CDKN3: variants seen among roughly 807,000 people sequenced by gnomAD.
CDKN3 encodes the protein cyclin-dependent kinase inhibitor 3.
A neutral mutation model predicts 36.1 loss-of-function variants in CDKN3; 19 were observed. The ratio of observed to expected loss-of-function variants is 0.53; its 90% CI spans 0.37 to 0.77. The LOEUF (loss-of-function observed/expected upper bound fraction) is 0.77, where lower values mean the gene tolerates loss of function less well. CDKN3 is among the 30% of genes least tolerant of loss of function. CDKN3 has a pLI of 0.00. For synonymous variants in CDKN3, 71 were observed against 85.3 expected (o/e 0.83, Z 0.92); for missense variants, 188 against 248.6 (o/e 0.76, Z 1.64).
At chr14:54,401,786 T>A (rs942053085) in intron 3 of CDKN3, among the ~76,000 whole-genome samples, 2 of 152,180 alleles carry the variant, frequency 1.3e-5, no homozygotes, top group Admixed American at 1.3e-4. Context: ...CCCTTCCACC[T>A]GTTCCCCACC....
chr14:54,414,671 G>A (rs905588865), intron 5 of CDKN3, among the ~76,000 whole-genome samples: 2 of 148,840 alleles, frequency 1.3e-5, no homozygotes, highest in Admixed American at 6.7e-5. Context: ...TCAGGCTCCC[G>A]AGTAGCTAGG....
intron 1 of CDKN3, 123 bp from the exon 2 acceptor site, chr14:54,399,771 A>T (rs1192060435): frequency 1.5e-6 from 1 of 678,842 alleles, no homozygotes; most frequent in African/African-American, 1.8e-5. Context: ...TCTCGTTAAT[A>T]TTCTGGATTG....
At chr14:54,406,830 G>T (rs573807636) in intron 3 of CDKN3, among the ~76,000 whole-genome samples, 31 of 152,182 alleles carry the variant, frequency 2.0e-4, no homozygotes, top group Middle Eastern at 3.4e-3. Context: ...ACCTTCTGAA[G>T]CCTACTTCTG....
chr14:54,404,571 A>G (rs2030079717), intron 3 of CDKN3, among the ~76,000 whole-genome samples: 1 of 150,960 alleles, frequency 6.6e-6, no homozygotes, highest in Non-Finnish European at 1.5e-5. Context: ...CTCTGATCTT[A>G]GTTAGTTCTT....
intron 2 of CDKN3, among the ~76,000 whole-genome samples, chr14:54,400,912 A>G (rs895741239): frequency 6.6e-6 from 1 of 152,192 alleles, no homozygotes; most frequent in African/African-American, 2.4e-5. Flanking sequence ...TTTTCATCAT[A>G]TGAAATTATA....
chr14:54,401,835 G>A (rs2029957254), intron 3 of CDKN3, among the ~76,000 whole-genome samples: 1 of 151,860 alleles, frequency 6.6e-6, no homozygotes, highest in Non-Finnish European at 1.5e-5. Context: ...ATGCCTTTGT[G>A]TCCTCAAAGT....
Position 54,420,008 on chromosome 14 carries a change from A to G in CDKN3, c.569A>G (p.His190Arg), listed in dbSNP as rs772859042. 29 of 1,605,146 alleles carry G rather than the reference A, an allele frequency of 1.8e-5. 1 individual carries two copies. The South Asian group carries it at 3.2e-4, about 18-fold the overall frequency. Residue 190 changes from histidine (H) to arginine (R), a missense_variant, in exon 8 of 8, where the codon CAT becomes CGT. His to Arg is a conservative substitution (Grantham distance 29). Transcript: ENST00000335183. ...TTTTTTCAGCAATACAATTATCTTC[A>G]TGAGTTTCGGGACAAATTAGCTGCA... The part of the protein sequence containing the change: ...IQTIKQYNYL[H>R]EFRDKLAAHL...
intron 3 of CDKN3, among the ~76,000 whole-genome samples, chr14:54,407,589 C>T (rs1326364701): frequency 1.3e-5 from 2 of 152,170 alleles, no homozygotes; most frequent in Non-Finnish European, 2.9e-5. Flanking sequence ...ATGGCTTTTC[C>T]ACACTGTGGT....
intron 1 of CDKN3, among the ~76,000 whole-genome samples, chr14:54,398,940 A>G (rs1886395178): frequency 6.6e-6 from 1 of 150,414 alleles, no homozygotes; most frequent in African/African-American, 2.4e-5. Context: ...CAGTTCCTCA[A>G]TACACAAGCC....
intron 1 of CDKN3, among the ~76,000 whole-genome samples, chr14:54,398,987 CTTTTTTT>C (rs113342693): frequency 3.7e-5 from 4 of 109,272 alleles, no homozygotes; most frequent in East Asian, 2.6e-4. Context: ...TTTCTTCTTC[CTTTTTTT>C]TTTTTTTTTT....
chr14:54,412,826 C>A, intron 5 of CDKN3: 1 of 507,816 alleles, frequency 2.0e-6, no homozygotes. Context: ...CCTGCTTAAT[C>A]CTTTCTCGAA....
chr14:54,401,604 C>T, intron 3 of CDKN3, 25 bp downstream of exon 3: 1 of 1,476,284 alleles, frequency 6.8e-7, no homozygotes, highest in East Asian at 2.3e-5. Flanking sequence ...AATGGGCTTC[C>T]TATCAATATG....
intron 3 of CDKN3, among the ~76,000 whole-genome samples, chr14:54,403,296 T>G (rs1372960894): frequency 6.6e-6 from 1 of 152,264 alleles, no homozygotes; most frequent in African/African-American, 2.4e-5. Flanking sequence ...CTAGGTATTT[T>G]ATTCTCTTTG....
At chr14:54,406,545 T>TC (rs955991957) in intron 3 of CDKN3, among the ~76,000 whole-genome samples, 2 of 152,016 alleles carry the variant, frequency 1.3e-5, no homozygotes, top group African/African-American at 2.4e-5. Flanking sequence ...TCCTTTTAAT[T>TC]CTTTTTTCTC....
intron 3 of CDKN3, among the ~76,000 whole-genome samples, chr14:54,401,992 G>A (rs942106833): frequency 3.9e-5 from 6 of 152,096 alleles, no homozygotes; most frequent in East Asian, 1.9e-4. Context: ...GGCAGATCAC[G>A]AAGTCAGAAG....
intron 4 of CDKN3, among the ~76,000 whole-genome samples, chr14:54,409,445 T>A (rs2030275896): frequency 1.3e-5 from 2 of 152,170 alleles, no homozygotes; most frequent in African/African-American, 4.8e-5. Context: ...AATTAAAATG[T>A]ATATATTGCT....
chr14:54,411,375 G>T, intron 4 of CDKN3, 109 bp from the exon 5 acceptor site: 1 of 743,768 alleles, frequency 1.3e-6, no homozygotes, highest in Non-Finnish European at 2.2e-6. Flanking sequence ...ATTGTCATTT[G>T]GTATTAGTTT....
At chr14:54,400,277 A>G (rs1189847415) in intron 2 of CDKN3, among the ~76,000 whole-genome samples, 4 of 138,520 alleles carry the variant, frequency 2.9e-5, no homozygotes, top group East Asian at 2.1e-4. Flanking sequence ...CTACTAACTT[A>G]GTAGAAGGAA....
At chr14:54,402,062 G>T (rs1394186607) in intron 3 of CDKN3, among the ~76,000 whole-genome samples, 2 of 152,054 alleles carry the variant, frequency 1.3e-5, no homozygotes, top group Admixed American at 1.3e-4. Context: ...ACAAAAATTA[G>T]CTGGGCATGG....
Sources: gnomAD v4.1 joint callset for allele counts (sites outside exome capture counted in the v4.1 genomes callset) on GRCh38, gnomAD v4.1.1 for gene constraint, MANE v1.5 for transcripts, NCBI Gene and HGNC (gene_info 2026-07-23, HGNC 2026-07-21) for gene names.